Variants in CCDC25 observed in about 807,000 individuals in gnomAD.
CCDC25 encodes coiled-coil domain-containing protein 25.
In CCDC25, 16 loss-of-function variants were observed where a neutral mutation model predicts 35.3. The ratio of observed to expected loss-of-function variants is 0.45; its 90% CI spans 0.31 to 0.69. CCDC25 has a LOEUF of 0.69. Among genes scored for constraint, CCDC25 ranks in the 30% least tolerant of loss-of-function variants. The pLI, the probability that CCDC25 is intolerant of heterozygous loss-of-function variation, is 0.06. For missense variants in CCDC25, 179 were observed against 250.7 expected (o/e 0.71, Z 1.93); for synonymous variants, 79 against 80.3 (o/e 0.98, Z 0.09).
At chr8:27,762,879 T>C (rs3937606) in intron 2 of CCDC25, among the ~76,000 whole-genome samples, 65,123 of 151,814 alleles carry the variant, frequency 0.43, 14,224 homozygotes, top group East Asian at 0.62. Context: ...TTACAGAAAA[T>C]TTAAAACAAA....
At position 27,748,984 on chromosome 8, in the gene CCDC25, C is replaced by T. The variant is rs549957254; in HGVS notation, c.245-386G>A. 1.3e-4 allele frequency among the ~76,000 whole-genome samples: 20 copies of T among 152,268 alleles called. No homozygotes were observed. The South Asian group carries it at 3.9e-3, about 30-fold the overall frequency. On this transcript the variant is annotated intron_variant, in intron 5 of 8. Coordinates refer to ENST00000356537, the MANE Select transcript of CCDC25 (RefSeq NM_018246.3). ...AGCAACGGAAAGCCATGGCCTGGAA[C>T]TCACAAGCCCTGGACTCTATCCGGG... is the stretch of plus-strand genomic sequence containing the variant.
chr8:27,765,339 T>G, intron 1 of CCDC25, 88 bp from the exon 2 acceptor site: 3 of 1,107,530 alleles, frequency 2.7e-6, no homozygotes, highest in South Asian at 3.2e-5. Flanking sequence ...ATTCTTAGAC[T>G]AGGGGCTGGC....
At chr8:27,769,250 G>A (rs994732883) in intron 1 of CCDC25, among the ~76,000 whole-genome samples, 13 of 152,094 alleles carry the variant, frequency 8.5e-5, no homozygotes, top group Non-Finnish European at 1.8e-4. Flanking sequence ...ATTAGGCTTA[G>A]AGGCCAAATA....
chr8:27,756,056 A>G (rs765387649), intron 4 of CCDC25, among the ~76,000 whole-genome samples: 76 of 152,330 alleles, frequency 5.0e-4, no homozygotes, highest in South Asian at 1.7e-3. Context: ...CTACCATAGT[A>G]ATATAAGATG....
rs1269805517 is a variant in CCDC25 at position 27,772,619 on chromosome 8, CG to C, written c.-80del. ...GAAGCTCAGGATACCAGACTCGCGGCGGCCGCCTGGCCCCCGGAACTCCTCC... is the reference window on the plus strand; with the variant it reads ...GAAGCTCAGGATACCAGACTCGCGGCGCCGCCTGGCCCCCGGAACTCCTCC... On this transcript the variant is annotated 5_prime_UTR_variant, in exon 1 of 9. Transcript: ENST00000356537. The C allele has an allele frequency of 1.3e-5, 19 of 1,447,846 alleles. No individual in the cohort carries two copies. The highest frequency in any genetic ancestry group is 7.4e-5 in the South Asian group (6 of 81,380). 89.7% of individuals were successfully genotyped at this position (1,447,846 alleles called of 1,614,324 possible).
chr8:27,751,557 C>T (rs2128940427), intron 5 of CCDC25, among the ~76,000 whole-genome samples: 1 of 152,312 alleles, frequency 6.6e-6, no homozygotes, highest in African/African-American at 2.4e-5. Context: ...TACCTGTTAT[C>T]AGCTGTGGGT....
chr8:27,772,229 G>A (rs867200473), intron 1 of CCDC25, among the ~76,000 whole-genome samples: 5 of 152,360 alleles, frequency 3.3e-5, no homozygotes, highest in African/African-American at 1.2e-4. Context: ...CCCAATCCCA[G>A]GGAGTGACGG....
At position 27,738,171 on chromosome 8, in the gene CCDC25, C is replaced by T. The variant is rs191800302; in HGVS notation, c.598-1926G>A. 5.7e-4 allele frequency among the ~76,000 whole-genome samples: 86 copies of T among 152,152 alleles called. 1 individual carries two copies. The highest frequency in any genetic ancestry group is 8.8e-5 in the Non-Finnish European group (6 of 68,004). On this transcript the variant is annotated intron_variant, in intron 8 of 8. Transcript: ENST00000356537. ...TACAAATATGGTGCAGTGTTTACTG[C>T]TTGGGTGACGGATGCACCAAAATCT...
intron 7 of CCDC25, among the ~76,000 whole-genome samples, chr8:27,741,870 G>A (rs1346321615): frequency 1.3e-5 from 2 of 152,188 alleles, no homozygotes; most frequent in East Asian, 3.8e-4. Flanking sequence ...AGTCAGGATG[G>A]TTAAGTAAGT....
chr8:27,741,450 G>A (rs1370558812), intron 7 of CCDC25, among the ~76,000 whole-genome samples: 2 of 152,214 alleles, frequency 1.3e-5, no homozygotes, highest in African/African-American at 2.4e-5. Context: ...GGAGGCCAAC[G>A]CGGGCAGATC....
At chr8:27,756,875 C>A in intron 3 of CCDC25, 105 bp from the exon 4 acceptor site, 1 of 777,098 alleles carries the variant, frequency 1.3e-6, no homozygotes, top group South Asian at 1.5e-5. Flanking sequence ...CACTCCATGC[C>A]TGCCACATGT....
chr8:27,752,993 T>C (rs10100165), intron 4 of CCDC25: 66,563 of 156,822 alleles, frequency 0.42, 14,440 homozygotes, highest in East Asian at 0.63. Flanking sequence ...ATGACCTTCC[T>C]CTCAAAAGAA....
At chr8:27,757,453 AAT>A (rs1435797484) in intron 3 of CCDC25, among the ~76,000 whole-genome samples, 1 of 152,132 alleles carries the variant, frequency 6.6e-6, no homozygotes, top group Non-Finnish European at 1.5e-5. Flanking sequence ...CAGTGATACC[AAT>A]ATATGTCTCT....
chr8:27,750,817 C>T (rs1414856442), intron 5 of CCDC25, among the ~76,000 whole-genome samples: 4 of 152,202 alleles, frequency 2.6e-5, no homozygotes, highest in African/African-American at 9.7e-5. Flanking sequence ...TGACCCAGAA[C>T]AGGCTGATTC....
At chr8:27,767,553 C>T (rs1563461103) in intron 1 of CCDC25, among the ~76,000 whole-genome samples, 1 of 152,050 alleles carries the variant, frequency 6.6e-6, no homozygotes, top group Non-Finnish European at 1.5e-5. Flanking sequence ...ACTAACAATG[C>T]CATGAAAGAC....
rs532180833 is a variant in CCDC25, at chr8:27,766,709, T to C, written c.29-1458A>G. 2.6e-5 allele frequency among the ~76,000 whole-genome samples: 4 copies of C among 152,188 alleles called. No individual in the cohort carries two copies. In the South Asian group the frequency reaches 8.3e-4, roughly 32 times the overall value. ...TACCTATAATGTTACCATAATAGAGTACCAAAATACTCCACCAAGCAATAA... is the reference window on the plus strand; with the variant it reads ...TACCTATAATGTTACCATAATAGAGCACCAAAATACTCCACCAAGCAATAA... On this transcript the variant is annotated intron_variant, in intron 1 of 8. Coordinates refer to ENST00000356537, the MANE Select transcript of CCDC25 (RefSeq NM_018246.3).
At chr8:27,736,489 G>A (rs2128934708) in intron 8 of CCDC25, among the ~76,000 whole-genome samples, 1 of 152,286 alleles carries the variant, frequency 6.6e-6, no homozygotes, top group East Asian at 1.9e-4. Context: ...AGTGACCACT[G>A]ATCTCTAAAT....
intron 8 of CCDC25, 78 bp downstream of exon 8, chr8:27,740,394 A>C: frequency 1.4e-6 from 2 of 1,381,800 alleles, no homozygotes; most frequent in Non-Finnish European, 2.0e-6. Context: ...TAAGGCAATA[A>C]TGGCCAGTAA....
chr8:27,762,308 C>G (rs1804254570), intron 3 of CCDC25, 111 bp downstream of exon 3: 3 of 882,572 alleles, frequency 3.4e-6, no homozygotes, highest in Non-Finnish European at 5.5e-6. Flanking sequence ...GCTGTTTAAC[C>G]CTGAAGACCC....
Sources: gnomAD v4.1 joint callset for allele counts (sites outside exome capture counted in the v4.1 genomes callset) on GRCh38, gnomAD v4.1.1 for gene constraint, MANE v1.5 for transcripts, NCBI Gene and HGNC (gene_info 2026-07-23, HGNC 2026-07-21) for gene names.